SAMD12: variants seen among roughly 807,000 people sequenced by gnomAD.
SAMD12 encodes sterile alpha motif domain containing 12, also known as sterile alpha motif domain-containing protein 12.
In SAMD12, 9 loss-of-function variants were observed where a neutral mutation model predicts 15.0. The observed-to-expected ratio is 0.60, with a 90% CI of 0.36 to 1.05. The LOEUF is 1.05. SAMD12 is among the 50% of genes least tolerant of loss of function. The pLI is 0.01. For missense variants in SAMD12, 230 were observed against 234.2 expected (o/e 0.98, Z 0.12); for synonymous variants, 86 against 90.1 (o/e 0.96, Z 0.25).
chr8:118,287,151 G>T lies in SAMD12; in HGVS notation c.434-89419C>A, dbSNP rs1814077241. 2.0e-5 allele frequency among the ~76,000 whole-genome samples: 3 copies of T among 146,700 alleles called. 1 individual carries two copies. The highest frequency in any genetic ancestry group is 5.2e-5 in the African/African-American group (2 of 38,732). On this transcript the variant is annotated intron_variant, in intron 4 of 4. Coordinates refer to the SAMD12 transcript ENST00000409003. ...TTTTTTTTTTTTTTTTTGAGACGGAGTCTCGCTCTTTCGCCCAGGCCGGAC... is the reference window on the plus strand; with the variant it reads ...TTTTTTTTTTTTTTTTTGAGACGGATTCTCGCTCTTTCGCCCAGGCCGGAC...
chr8:118,453,728 C>G (rs185444275), intron 2 of SAMD12, among the ~76,000 whole-genome samples: 120 of 152,204 alleles, frequency 7.9e-4, no homozygotes, highest in Non-Finnish European at 1.3e-3. Context: ...ACTATGTTGT[C>G]CAGGCTGGTC....
intron 2 of SAMD12, among the ~76,000 whole-genome samples, chr8:118,495,195 G>A (rs1248060998): frequency 6.6e-6 from 1 of 152,168 alleles, no homozygotes; most frequent in African/African-American, 2.4e-5. Flanking sequence ...TGGAAGAGAA[G>A]CAATTGTGTC....
At chr8:118,346,087 A>G (rs1817634355) in intron 4 of SAMD12, among the ~76,000 whole-genome samples, 1 of 152,202 alleles carries the variant, frequency 6.6e-6, no homozygotes, top group Non-Finnish European at 1.5e-5. Context: ...ATAATTATCG[A>G]GGGATGTCAC....
chr8:118,207,166 G>A (rs11562800), intron 4 of SAMD12, among the ~76,000 whole-genome samples: 9,721 of 152,310 alleles, frequency 0.064, 426 homozygotes, highest in East Asian at 0.16. Flanking sequence ...ATTAACTCCA[G>A]TCTCTGGGGA....
intron 4 of SAMD12, among the ~76,000 whole-genome samples, chr8:118,368,561 A>G (rs1377605632): frequency 6.6e-6 from 1 of 152,198 alleles, no homozygotes; most frequent in Non-Finnish European, 1.5e-5. Context: ...ATCACAAGGG[A>G]ATGAAGAGAT....
chr8:118,320,972 T>TA (rs1487993066), intron 4 of SAMD12, among the ~76,000 whole-genome samples: 5 of 148,536 alleles, frequency 3.4e-5, no homozygotes, highest in African/African-American at 4.9e-5. Flanking sequence ...CTTTATGTGA[T>TA]AAAAAAATCA....
At chr8:118,313,333 C>A (rs1843535) in intron 4 of SAMD12, among the ~76,000 whole-genome samples, 72,761 of 151,924 alleles carry the variant, frequency 0.48, 20,001 homozygotes, top group African/African-American at 0.77. Flanking sequence ...ATAATTTATA[C>A]TTTGAGATAA....
chr8:118,481,109 A>AT (rs769363724), intron 2 of SAMD12, among the ~76,000 whole-genome samples: 59 of 149,872 alleles, frequency 3.9e-4, no homozygotes, highest in African/African-American at 1.1e-3. Flanking sequence ...AGCCTGGCTA[A>AT]TTTTTTTTTT....
At chr8:118,201,295 T>C (rs1819707613) in intron 4 of SAMD12, among the ~76,000 whole-genome samples, 1 of 152,160 alleles carries the variant, frequency 6.6e-6, no homozygotes. Context: ...TCCTTTCTTT[T>C]TCCCAGGGTG....
intron 4 of SAMD12, among the ~76,000 whole-genome samples, chr8:118,315,690 A>C (rs992206918): frequency 3.3e-5 from 5 of 152,212 alleles, no homozygotes; most frequent in African/African-American, 1.2e-4. Flanking sequence ...GGTTAGAAAA[A>C]AAAACTTCCA....
chr8:118,184,080 G>A, the SAMD12 span, among the ~76,000 whole-genome samples: 3 of 151,928 alleles, frequency 2.0e-5, no homozygotes, highest in Admixed American at 6.6e-5. Flanking sequence ...CTTTGTTAGA[G>A]GAAATTAAAT....
chr8:118,399,829 A>G (rs1410939053), intron 3 of SAMD12, among the ~76,000 whole-genome samples: 2 of 152,126 alleles, frequency 1.3e-5, no homozygotes, highest in East Asian at 3.9e-4. Flanking sequence ...CAAACATTCC[A>G]TATTGTTTGT....
chr8:118,499,409 T>G (rs1300967740), intron 2 of SAMD12, among the ~76,000 whole-genome samples: 1 of 152,132 alleles, frequency 6.6e-6, no homozygotes, highest in Non-Finnish European at 1.5e-5. Flanking sequence ...GTGAAAAAAT[T>G]GTGGCAAGGA....
chr8:118,455,214 G>C (rs894332644), intron 2 of SAMD12, among the ~76,000 whole-genome samples: 3 of 150,722 alleles, frequency 2.0e-5, no homozygotes, highest in Admixed American at 2.0e-4. Context: ...GGTAGCCTCT[G>C]ACACAATGGA....
chr8:118,391,026 T>G (rs911568161), intron 3 of SAMD12, among the ~76,000 whole-genome samples: 2 of 152,244 alleles, frequency 1.3e-5, no homozygotes, highest in Non-Finnish European at 2.9e-5. Flanking sequence ...GACCCTGCAT[T>G]GTTTTTAGCT....
At chr8:118,221,526 T>C (rs1424014778) in intron 4 of SAMD12, among the ~76,000 whole-genome samples, 1 of 151,694 alleles carries the variant, frequency 6.6e-6, no homozygotes, top group African/African-American at 2.4e-5. Flanking sequence ...AATAAATAAA[T>C]AAAAGGATCA....
chr8:118,208,481 T>C (rs908380132), intron 4 of SAMD12, among the ~76,000 whole-genome samples: 187 of 152,268 alleles, frequency 1.2e-3, no homozygotes, highest in African/African-American at 4.1e-3. Context: ...GTGTGGACCA[T>C]ACTTTGAGTA....
chr8:118,487,828 T>G (rs891803959), intron 2 of SAMD12, among the ~76,000 whole-genome samples: 1 of 152,156 alleles, frequency 6.6e-6, no homozygotes, highest in African/African-American at 2.4e-5. Flanking sequence ...CACAATATGG[T>G]CCAGCATGGC....
the SAMD12 span, among the ~76,000 whole-genome samples, chr8:118,160,779 T>A: frequency 2.6e-5 from 4 of 152,236 alleles, no homozygotes; most frequent in South Asian, 8.3e-4. Flanking sequence ...ATTGGGCAAA[T>A]ATTTCTTTTT....
Sources: gnomAD v4.1 joint callset for allele counts (sites outside exome capture counted in the v4.1 genomes callset) on GRCh38, gnomAD v4.1.1 for gene constraint, MANE v1.5 for transcripts, NCBI Gene and HGNC (gene_info 2026-07-23, HGNC 2026-07-21) for gene names.